Variants in LIPI observed in about 807,000 individuals in gnomAD.
LIPI encodes the protein lipase I, also known as lipase member I.
Under a neutral mutation model 50.6 loss-of-function variants are expected in LIPI, and 59 were observed. That is an observed-to-expected ratio of 1.16 (90% CI 0.94 to 1.45). The LOEUF is 1.45. LIPI is among the 40% of genes most tolerant of loss of function. The pLI, the probability that LIPI is intolerant of heterozygous loss-of-function variation, is 0.00. For synonymous variants in LIPI, 203 were observed against 178.2 expected, an observed-to-expected ratio of 1.14 and a Z score of -1.11; for missense variants, 586 against 536.3, an observed-to-expected ratio of 1.09 and a Z score of -0.92.
Position 14,203,903 on chromosome 21 carries a change from G to T in LIPI, c.46+6897C>A, listed in dbSNP as rs184937585. ...CATATACACCATGGAATACTATGCA[G>T]CCTTAAAAATGAATGAGATCATAGC... On this transcript the variant is annotated intron_variant, in intron 1 of 9. Coordinates refer to ENST00000681601, the MANE Select transcript of LIPI (RefSeq NM_001302998.2). 9.9e-4 allele frequency among the ~76,000 whole-genome samples: 151 copies of T among 152,014 alleles called. 1 individual carries two copies. Among genetic ancestry groups the T allele is most frequent in the Admixed American group, 9.2e-3 (140 of 15,222 alleles).
At chr21:14,192,280 C>A (rs901374741) in intron 1 of LIPI, among the ~76,000 whole-genome samples, 2 of 152,094 alleles carry the variant, frequency 1.3e-5, no homozygotes, top group Admixed American at 1.3e-4. Flanking sequence ...GCCTGGACAA[C>A]ATGGTGAAAC....
intron 9 of LIPI, among the ~76,000 whole-genome samples, chr21:14,122,847 A>G (rs535695019): frequency 2.0e-5 from 3 of 152,374 alleles, no homozygotes; most frequent in South Asian, 4.1e-4. Flanking sequence ...GGTCATTATT[A>G]AAAAGACTCA....
chr21:14,176,264 C>G (rs1347089819), intron 4 of LIPI, among the ~76,000 whole-genome samples: 1 of 150,690 alleles, frequency 6.6e-6, no homozygotes, highest in African/African-American at 2.4e-5. Flanking sequence ...CAAAATTTGG[C>G]TTTTTAAATC....
At chr21:14,169,663 A>T (rs1415873041) in intron 4 of LIPI, among the ~76,000 whole-genome samples, 1 of 152,246 alleles carries the variant, frequency 6.6e-6, no homozygotes, top group Non-Finnish European at 1.5e-5. Context: ...GTTTGAAACC[A>T]ATGAGAACAA....
chr21:14,132,533 T>C, intron 9 of LIPI, among the ~76,000 whole-genome samples: 1 of 151,966 alleles, frequency 6.6e-6, no homozygotes, highest in East Asian at 1.9e-4. Context: ...CAAAGAAAAT[T>C]TTTCACCAAT....
intron 9 of LIPI, among the ~76,000 whole-genome samples, chr21:14,117,790 A>G (rs1389802051): frequency 6.6e-6 from 1 of 152,156 alleles, no homozygotes; most frequent in Non-Finnish European, 1.5e-5. Context: ...AGGTATGAAC[A>G]TTCCCCAGCT....
intron 9 of LIPI, 44 bp from the exon 10 acceptor site, chr21:14,109,124 T>C: frequency 6.8e-7 from 1 of 1,470,914 alleles, no homozygotes. Flanking sequence ...TAACTATTAG[T>C]AAAACAACAG....
intron 9 of LIPI, among the ~76,000 whole-genome samples, chr21:14,120,403 C>T (rs552651892): frequency 5.3e-5 from 8 of 152,130 alleles, no homozygotes; most frequent in African/African-American, 9.7e-5. Context: ...ACCTTGCATG[C>T]TCATGGAGCC....
chr21:14,189,000 T>G, intron 2 of LIPI, 34 bp downstream of exon 2: 1 of 1,517,744 alleles, frequency 6.6e-7, no homozygotes, highest in Non-Finnish European at 9.0e-7. Flanking sequence ...ATATATTGTA[T>G]AGCATGTATA....
intron 9 of LIPI, among the ~76,000 whole-genome samples, chr21:14,111,674 G>A (rs899240886): frequency 6.6e-6 from 1 of 151,996 alleles, no homozygotes; most frequent in South Asian, 2.1e-4. Context: ...CCAGACTGAT[G>A]TCAAGAAGAT....
chr21:14,205,527 T>C (rs998846864), intron 1 of LIPI, among the ~76,000 whole-genome samples: 8 of 151,732 alleles, frequency 5.3e-5, no homozygotes, highest in Non-Finnish European at 1.2e-4. Context: ...TGTAAACACA[T>C]GTATATATTT....
chr21:14,186,207 A>C, intron 2 of LIPI, 138 bp from the exon 3 acceptor site: 1 of 638,620 alleles, frequency 1.6e-6, no homozygotes, highest in Non-Finnish European at 2.8e-6. Flanking sequence ...AAGAGACTTT[A>C]TAATTTCAAG....
intron 1 of LIPI, among the ~76,000 whole-genome samples, chr21:14,189,893 TAATA>T (rs1222692181): frequency 2.0e-5 from 3 of 152,022 alleles, no homozygotes; most frequent in Non-Finnish European, 4.4e-5. Context: ...AAAAATTAAA[TAATA>T]AATATTAATA....
chr21:14,202,570 C>T (rs1386262400), intron 1 of LIPI, among the ~76,000 whole-genome samples: 2 of 152,074 alleles, frequency 1.3e-5, no homozygotes, highest in Non-Finnish European at 2.9e-5. Flanking sequence ...CTGAGAAAAA[C>T]AAGAAATGGG....
chr21:14,191,192 A>C (rs1453016613), intron 1 of LIPI, among the ~76,000 whole-genome samples: 1 of 151,518 alleles, frequency 6.6e-6, no homozygotes, highest in African/African-American at 2.4e-5. Context: ...TCCCGGCTAA[A>C]ACGGTGAAAC....
chr21:14,155,765 C>T (rs1338581309), intron 7 of LIPI, among the ~76,000 whole-genome samples: 2 of 151,852 alleles, frequency 1.3e-5, no homozygotes, highest in Admixed American at 1.3e-4. Flanking sequence ...CATTGTCAGA[C>T]AAAGAAACAG....
chr21:14,169,377 C>T (rs576951583), intron 4 of LIPI, among the ~76,000 whole-genome samples: 321 of 152,246 alleles, frequency 2.1e-3, no homozygotes, highest in Non-Finnish European at 3.3e-3. Flanking sequence ...TAGACATCTA[C>T]AGAACTCTCC....
intron 4 of LIPI, among the ~76,000 whole-genome samples, chr21:14,174,582 C>A (rs1486556105): frequency 6.6e-6 from 1 of 151,328 alleles, no homozygotes; most frequent in Non-Finnish European, 1.5e-5. Context: ...GAAATGGAGT[C>A]TGGCTCTGTC....
At chr21:14,185,034 A>T (rs2019404147) in intron 3 of LIPI, among the ~76,000 whole-genome samples, 1 of 152,160 alleles carries the variant, frequency 6.6e-6, no homozygotes, top group Non-Finnish European at 1.5e-5. Flanking sequence ...ATGGCCATAG[A>T]TATGAATAAT....
Sources: allele counts gnomAD v4.1 joint callset (sites outside exome capture counted in the v4.1 genomes callset), GRCh38; gene constraint gnomAD v4.1.1; transcripts MANE v1.5; gene names NCBI Gene and HGNC (gene_info 2026-07-23, HGNC 2026-07-21).